Variants in ASAP3 observed in about 807,000 individuals in gnomAD.
ASAP3 encodes arf-GAP with SH3 domain, ANK repeat and PH domain-containing protein 3.
A neutral mutation model predicts 118.2 loss-of-function variants in ASAP3; 85 were observed. The ratio of observed to expected loss-of-function variants is 0.72; its 90% confidence interval spans 0.60 to 0.86. ASAP3 has a LOEUF of 0.86. ASAP3 is among the 40% of genes least tolerant of loss of function. The pLI, the probability that ASAP3 is intolerant of heterozygous loss-of-function variation, is 0.00. For synonymous variants in ASAP3, 432 were observed against 477.4 expected, an observed-to-expected ratio of 0.90 and a Z score of 1.24; for missense variants, 1,026 against 1,175.0, an observed-to-expected ratio of 0.87 and a Z score of 1.85.
chr1:23,434,319 G>A lies in ASAP3; in HGVS notation c.1886C>T (p.Ala629Val), dbSNP rs1021198071. The change falls in exon 19 of 25, where the codon GCA (alanine) becomes GTA (valine). Residue 629 changes from alanine (A) to valine (V), a missense_variant. Ala to Val is a moderately conservative substitution (Grantham distance 64, BLOSUM62 0). Transcript: ENST00000336689. The stretch of plus-strand genomic sequence containing the variant: ...GCAGTCGGGCTGGTTGTAGAGTGCT[G>A]CGTAGTGCAGAGCCGTGTTCCCGTC... ...AADGNTALHY[A>V]ALYNQPDCLK... 1.9e-6 allele frequency: 3 copies of A among 1,614,222 alleles called. No homozygotes were observed. Among genetic ancestry groups the A allele is most frequent in the Middle Eastern group, 3.3e-4 (2 of 6,062 alleles).
intron 17 of ASAP3, 35 bp from the exon 18 acceptor site, chr1:23,434,653 C>G (rs368235087): frequency 2.1e-4 from 334 of 1,598,024 alleles, no homozygotes; most frequent in Non-Finnish European, 2.3e-4. Flanking sequence ...GATTCCCCCC[C>G]CAGTGCACCT....
At chr1:23,458,359 G>A (rs1641455163) in intron 1 of ASAP3, among the ~76,000 whole-genome samples, 1 of 152,006 alleles carries the variant, frequency 6.6e-6, no homozygotes, top group Non-Finnish European at 1.5e-5. Flanking sequence ...GTGGTGGGGT[G>A]CACCTGTAAT....
intron 7 of ASAP3, 127 bp from the exon 8 acceptor site, chr1:23,441,857 G>T (rs1640884903): frequency 3.2e-6 from 3 of 936,102 alleles, no homozygotes; most frequent in Non-Finnish European, 5.0e-6. Flanking sequence ...TGACGGTCAA[G>T]AACAGACACT....
chr1:23,434,202 A>C, intron 19 of ASAP3, 52 bp downstream of exon 19: 1 of 1,571,564 alleles, frequency 6.4e-7, no homozygotes, highest in Non-Finnish European at 8.8e-7. Context: ...GGAAGTCCAC[A>C]TAAGGGGTAG....
At chr1:23,430,123 A>C (rs769925044) in intron 24 of ASAP3, among the ~76,000 whole-genome samples, 193 bp from the exon 25 acceptor site, 3 of 152,246 alleles carry the variant, frequency 2.0e-5, no homozygotes, top group Non-Finnish European at 2.9e-5. Flanking sequence ...AGCTCTTGCT[A>C]TCATACACAC....
chr1:23,440,847 CTCT>C (rs1483438382), intron 10 of ASAP3, among the ~76,000 whole-genome samples: 1 of 115,830 alleles, frequency 8.6e-6, no homozygotes. Flanking sequence ...CAGAGTGAGA[CTCT>C]ATCTCAAAAA....
chr1:23,436,840 G>T lies in ASAP3; in HGVS notation c.1476+71C>A. The T allele has an allele frequency of 6.5e-7, 1 of 1,534,088 alleles. No individual in the cohort carries two copies. Among genetic ancestry groups the T allele is most frequent in the Non-Finnish European group, 8.8e-7 (1 of 1,136,860 alleles). On this transcript the variant is annotated intron_variant, in intron 15 of 24. Transcript: ENST00000336689. The surrounding 1 kb of genome is among the most constrained non-coding windows in gnomAD (Gnocchi z 4.2). ...GCCAGGTCCCACCCACAACCTGCAA[G>T]CCCCGCCCCCGGATGAAACTACACC...
At chr1:23,476,170 A>C (rs1227745139) in intron 1 of ASAP3, among the ~76,000 whole-genome samples, 6 of 151,786 alleles carry the variant, frequency 4.0e-5, no homozygotes, top group Admixed American at 3.9e-4. Flanking sequence ...ACATGGTGAA[A>C]CCTCATGTCT....
At chr1:23,434,390 G>A (rs1166569250) in intron 18 of ASAP3, 21 bp from the exon 19 acceptor site, 32 of 1,613,260 alleles carry the variant, frequency 2.0e-5, no homozygotes, top group African/African-American at 2.7e-5. Flanking sequence ...GAGGGTTCAG[G>A]GAGAAAGGAA....
Position 23,462,586 on chromosome 1 carries a change from C to A in ASAP3, c.130-6392G>T, listed in dbSNP as rs185373643. 1.9e-3 allele frequency among the ~76,000 whole-genome samples: 290 copies of A among 151,666 alleles called. 2 individuals carry two copies. Among genetic ancestry groups the A allele is most frequent in the African/African-American group, 6.6e-3 (273 of 41,406 alleles). On this transcript the variant is annotated intron_variant, in intron 1 of 24. Transcript: ENST00000336689. ...AAGATCGAGACCATCCTGGCTAACACGTCTCTACTAAAAATACAAAAAATT... is the reference window on the plus strand; with the variant it reads ...AAGATCGAGACCATCCTGGCTAACAAGTCTCTACTAAAAATACAAAAAATT...
At chr1:23,480,047 A>G (rs1642260166) in intron 1 of ASAP3, 1 of 152,074 alleles carries the variant, frequency 6.6e-6, no homozygotes, top group South Asian at 2.1e-4. Flanking sequence ...CAGTAATCCT[A>G]GCTACTCAGG....
rs1299449869 is a variant in ASAP3, at chr1:23,429,059, C to G, written c.*797G>C. ...CTTCCTGCTAAATCAAGGACACAGG[C>G]AAATGTGGGTGCATCTGACTCTACA... On this transcript the variant is annotated 3_prime_UTR_variant, in exon 25 of 25. Coordinates refer to ENST00000336689, the MANE Select transcript of ASAP3 (RefSeq NM_017707.4). The G allele has an allele frequency of 6.5e-6, 1 of 154,538 alleles. No homozygotes were observed. Among genetic ancestry groups the G allele is most frequent in the Non-Finnish European group, 1.5e-5 (1 of 68,220 alleles). 9.6% of individuals were successfully genotyped at this position (154,538 alleles called of 1,614,324 possible). A position where few individuals can be genotyped will look rare whatever the true frequency, so the allele number is the denominator to read the frequency against.
In ASAP3 at chr1:23,456,000, G is replaced by A. The variant is rs747134598; in HGVS notation, c.229C>T (p.Arg77Ter). 1.9e-6 allele frequency: 3 copies of A among 1,614,118 alleles called. No homozygotes were observed. Among genetic ancestry groups the A allele is most frequent in the Non-Finnish European group, 2.5e-6 (3 of 1,180,014 alleles). ...TTGCCTAAGGATTCCACGGCCTCTCGGTACTGCTCTTCATTCTCCACATGG... is the reference window on the plus strand; with the variant it reads ...TTGCCTAAGGATTCCACGGCCTCTCAGTACTGCTCTTCATTCTCCACATGG... The part of the protein sequence containing the change: ...LGHVENEEQY[R>*]EAVESLGNSH... Residue 77 changes from arginine to a stop codon, truncating the protein, a stop_gained, in exon 3 of 25, where the codon CGA (arginine) becomes TGA (stop). Transcript: ENST00000336689. LOFTEE classifies it high-confidence loss of function.
At chr1:23,454,026 ATTTT>A (rs1221814523) in intron 3 of ASAP3, among the ~76,000 whole-genome samples, 1 of 147,290 alleles carries the variant, frequency 6.8e-6, no homozygotes, top group Non-Finnish European at 1.5e-5. Flanking sequence ...CTCAAACACT[ATTTT>A]TTTTTTTGAG....
At chr1:23,472,005 A>G (rs977102317) in intron 1 of ASAP3, among the ~76,000 whole-genome samples, 1 of 152,232 alleles carries the variant, frequency 6.6e-6, no homozygotes, top group African/African-American at 2.4e-5. Context: ...AAGGCCACAT[A>G]TAGTAGGATT....
At chr1:23,481,778 G>T (rs1164245840) in intron 1 of ASAP3, among the ~76,000 whole-genome samples, 1 of 152,182 alleles carries the variant, frequency 6.6e-6, no homozygotes, top group Non-Finnish European at 1.5e-5. Context: ...GCATAAATGG[G>T]CATTTCTGTC....
At position 23,441,702 on chromosome 1, in the gene ASAP3, G is replaced by C; in HGVS notation, c.700C>G (p.Gln234Glu). Residue 234 changes from glutamine (Q) to glutamate (E), a missense_variant, in exon 8 of 25, where the codon CAG (glutamine) becomes GAG (glutamate). By Grantham distance (29) the Gln-to-Glu change is conservative. Coordinates refer to ENST00000336689, the MANE Select transcript of ASAP3 (RefSeq NM_017707.4). Reference protein sequence around the residue: ...NFFQDGWKAAQSLFPFIEKLA... With the variant: ...NFFQDGWKAAESLFPFIEKLA... ...TTCTCGATGAAGGGGAACAGGCTCT[G>C]GGCAGCCTTCCAGCCATCTTGGAAA... is the stretch of plus-strand genomic sequence containing the variant. 6.2e-7 allele frequency: 1 copy of C among 1,614,164 alleles called. No homozygotes were observed. Among genetic ancestry groups the C allele is most frequent in the Non-Finnish European group, 8.5e-7 (1 of 1,180,028 alleles).
At chr1:23,455,842 T>C (rs1294901096) in intron 3 of ASAP3, 39 bp downstream of exon 3, 1 of 1,611,398 alleles carries the variant, frequency 6.2e-7, no homozygotes, top group Non-Finnish European at 8.5e-7. Flanking sequence ...ACCACTAGAT[T>C]TACCCTGAGT....
At chr1:23,462,472 G>A (rs1391683453) in intron 1 of ASAP3, among the ~76,000 whole-genome samples, 1 of 151,310 alleles carries the variant, frequency 6.6e-6, no homozygotes, top group Non-Finnish European at 1.5e-5. Flanking sequence ...TACACCCTGT[G>A]TAAAAAAGAC....
Sources: gnomAD v4.1 joint callset for allele counts (sites outside exome capture counted in the v4.1 genomes callset) on GRCh38, gnomAD v4.1.1 for gene constraint, Gnocchi (gnomAD v3.1) non-coding constraint, MANE v1.5 for transcripts, NCBI Gene and HGNC (gene_info 2026-07-23, HGNC 2026-07-21) for gene names.